The following PPP3CC variants were observed in gnomAD, a reference collection of about 807,000 sequenced individuals.
PPP3CC encodes the protein protein phosphatase 3 catalytic subunit gamma.
A neutral mutation model predicts 60.3 loss-of-function variants in PPP3CC; 35 were observed. The ratio of observed to expected loss-of-function variants is 0.58; its 90% CI spans 0.44 to 0.77. The LOEUF (loss-of-function observed/expected upper bound fraction) is 0.77. Ranked by LOEUF, PPP3CC falls within the 30% of genes least tolerant of loss-of-function variation. The pLI is 0.00. For missense variants in PPP3CC, 570 were observed against 628.9 expected (o/e 0.91, Z 1.00); for synonymous variants, 206 against 224.3 (o/e 0.92, Z 0.73).
intron 1 of PPP3CC, among the ~76,000 whole-genome samples, chr8:22,472,217 T>C (rs1243153162): frequency 6.8e-6 from 1 of 148,096 alleles, no homozygotes; most frequent in Admixed American, 6.6e-5. Flanking sequence ...TTAAAAACTT[T>C]TGGACTTTTT....
At chr8:22,474,923 A>G (rs1331907221) in intron 1 of PPP3CC, 31 bp from the exon 2 acceptor site, 1 of 1,300,042 alleles carries the variant, frequency 7.7e-7, no homozygotes, top group African/African-American at 1.5e-5. Context: ...ACATTTAAAT[A>G]TTTTAAATTA....
intron 4 of PPP3CC, among the ~76,000 whole-genome samples, chr8:22,504,588 A>G (rs539119856): frequency 6.6e-5 from 10 of 152,336 alleles, no homozygotes; most frequent in African/African-American, 2.4e-4. Flanking sequence ...GTGAGCTGCC[A>G]TGCCTAGCCC....
chr8:22,536,937 T>C lies in PPP3CC; in HGVS notation c.1322-2532T>C, dbSNP rs530756457. 3.3e-5 allele frequency among the ~76,000 whole-genome samples: 5 copies of C among 152,172 alleles called. No homozygotes were observed. In the East Asian group the frequency reaches 9.7e-4, roughly 29 times the overall value. On this transcript the variant is annotated intron_variant, in intron 12 of 13. Transcript: ENST00000240139. ...GGAGTAAAATAAATATGCTTGGAAA[T>C]TGAAGCACAAAGGTAAATAAAAATA...
Position 22,511,146 on chromosome 8 carries a change from C to T in PPP3CC, c.545C>T (p.Pro182Leu). The stretch of plus-strand genomic sequence containing the variant: ...TGTATGGAGACATTTGACTGTCTTC[C>T]TCTTGCTGCCCTCTTAAACCAGCAG... The part of the protein sequence containing the change: ...DACMETFDCL[P>L]LAALLNQQFL... The change falls in exon 5 of 14, where the codon CCT becomes CTT. Residue 182 changes from proline (P) to leucine (L), a missense_variant. Pro to Leu is a moderately conservative substitution (Grantham distance 98). Coordinates refer to ENST00000240139, the MANE Select transcript of PPP3CC (RefSeq NM_005605.5). The T allele has an allele frequency of 6.2e-7, 1 of 1,613,858 alleles. No individual in the cohort carries two copies. Among genetic ancestry groups the T allele is most frequent in the Non-Finnish European group, 8.5e-7 (1 of 1,179,748 alleles).
chr8:22,519,873 C>T (rs1343878097), intron 6 of PPP3CC, among the ~76,000 whole-genome samples: 1 of 152,142 alleles, frequency 6.6e-6, no homozygotes, highest in Non-Finnish European at 1.5e-5. Flanking sequence ...CCAGGCTGGT[C>T]TCTAACTCCT....
intron 1 of PPP3CC, among the ~76,000 whole-genome samples, chr8:22,446,262 C>T (rs1836818460): frequency 7.1e-6 from 1 of 141,076 alleles, no homozygotes; most frequent in South Asian, 2.2e-4. Context: ...AGCATGAGTT[C>T]ACGTTCAGTC....
Position 22,498,078 on chromosome 8 carries a change from G to A in PPP3CC, c.450G>A (p.Arg150=). The A allele has an allele frequency of 6.2e-7, 1 of 1,612,158 alleles. No individual in the cohort carries two copies. Among genetic ancestry groups the A allele is most frequent in the Non-Finnish European group, 8.5e-7 (1 of 1,178,570 alleles). ...TGCTTCGGGGAAATCATGAATGCAG[G>A]CATCTTACAGACTATTTCACCTTCA... The part of the protein sequence containing the change: ...LFLLRGNHEC[R]HLTDYFTFKQ... The change falls in exon 4 of 14, where the codon AGG becomes AGA. Residue 150 remains arginine, a synonymous_variant. Coordinates refer to ENST00000240139, the MANE Select transcript of PPP3CC (RefSeq NM_005605.5).
intron 1 of PPP3CC, among the ~76,000 whole-genome samples, chr8:22,473,109 TCTTTA>T (rs1250347607): frequency 6.6e-6 from 1 of 152,222 alleles, no homozygotes; most frequent in African/African-American, 2.4e-5. Context: ...AATAGGACTT[TCTTTA>T]CTTGTAAATG....
intron 1 of PPP3CC, among the ~76,000 whole-genome samples, chr8:22,443,711 G>A (rs567339034): frequency 6.6e-6 from 1 of 152,228 alleles, no homozygotes; most frequent in African/African-American, 2.4e-5. Context: ...AGAATGTATG[G>A]ATTTCTCTCC....
chr8:22,472,815 T>C (rs7012734), intron 1 of PPP3CC, among the ~76,000 whole-genome samples: 5,233 of 152,238 alleles, frequency 0.034, 141 homozygotes, highest in Non-Finnish European at 0.047. Context: ...TTTTTCTTTC[T>C]CCAGCAAACT....
chr8:22,490,967 C>A (rs967585349), intron 3 of PPP3CC, among the ~76,000 whole-genome samples: 4 of 152,108 alleles, frequency 2.6e-5, no homozygotes, highest in Non-Finnish European at 4.4e-5. Flanking sequence ...GGGTATATAT[C>A]CAGTAATGGG....
intron 1 of PPP3CC, among the ~76,000 whole-genome samples, chr8:22,465,316 A>G (rs953239361): frequency 8.5e-5 from 13 of 152,070 alleles, no homozygotes; most frequent in African/African-American, 3.1e-4. Flanking sequence ...TTTAAATATG[A>G]TCCCCAGAAA....
chr8:22,527,664 C>G, intron 9 of PPP3CC, 147 bp downstream of exon 9: 1 of 946,200 alleles, frequency 1.1e-6, no homozygotes, highest in Non-Finnish European at 1.5e-6. Flanking sequence ...GAGATGGAGT[C>G]TCGCTCTGTC....
chr8:22,468,996 C>T (rs1382589666), intron 1 of PPP3CC, among the ~76,000 whole-genome samples: 1 of 152,114 alleles, frequency 6.6e-6, no homozygotes, highest in Non-Finnish European at 1.5e-5. Context: ...ATCCAGCAAT[C>T]GCACTACTGA....
At chr8:22,456,809 G>A (rs993231549) in intron 1 of PPP3CC, among the ~76,000 whole-genome samples, 5 of 152,162 alleles carry the variant, frequency 3.3e-5, no homozygotes, top group African/African-American at 9.7e-5. Context: ...TTAATCATGT[G>A]CAAACCTGGT....
chr8:22,448,982 C>T (rs888505013), intron 1 of PPP3CC, among the ~76,000 whole-genome samples: 9 of 152,144 alleles, frequency 5.9e-5, no homozygotes, highest in Non-Finnish European at 5.9e-5. Context: ...TGGTGGCTCT[C>T]GCCTATAGTC....
At position 22,441,447 on chromosome 8, in the gene PPP3CC, G is replaced by T; in HGVS notation, c.38G>T (p.Arg13Leu). Residue 13 changes from arginine (R) to leucine (L), a missense_variant, in exon 1 of 14, where the codon CGC becomes CTC. Physicochemically the swap from Arg to Leu is moderately radical, Grantham distance 102. Transcript: ENST00000240139. ...GRRFHLSTTD[R>L]VIKAVPFPPT... ...CGCTTCCACCTCTCCACCACCGACC[G>T]CGTCATCAAAGGTGCCTGGCGGGCC... 1 of 1,546,588 alleles carries T rather than the reference G, an allele frequency of 6.5e-7. No individual in the cohort carries two copies. The highest frequency in any genetic ancestry group is 8.7e-7 in the Non-Finnish European group (1 of 1,146,108).
chr8:22,444,228 C>G (rs1836758426), intron 1 of PPP3CC, among the ~76,000 whole-genome samples: 1 of 150,380 alleles, frequency 6.6e-6, no homozygotes, highest in African/African-American at 2.5e-5. Context: ...TGTACTGTAG[C>G]CTGGGCGACA....
intron 8 of PPP3CC, chr8:22,523,516 G>T: frequency 4.6e-6 from 1 of 218,962 alleles, no homozygotes; most frequent in Admixed American, 5.5e-5. Flanking sequence ...AAACATGCCA[G>T]AACAAACATA....
Sources: gnomAD v4.1 joint callset for allele counts (sites outside exome capture counted in the v4.1 genomes callset) on GRCh38, gnomAD v4.1.1 for gene constraint, MANE v1.5 for transcripts, NCBI Gene and HGNC (gene_info 2026-07-23, HGNC 2026-07-21) for gene names.